GRID2: variants seen among roughly 807,000 people sequenced by gnomAD.
The protein encoded by GRID2 is glutamate receptor ionotropic, delta-2.
In GRID2, 33 loss-of-function variants were observed where a neutral mutation model predicts 114.8. The observed-to-expected ratio is 0.29, with a 90% CI of 0.22 to 0.38. GRID2 has a LOEUF of 0.38. GRID2 is among the 10% of genes least tolerant of loss of function. The probability of loss-of-function intolerance (pLI) is 1.00; values close to 1 mark genes in which losing one functional copy is unlikely to be tolerated. For synonymous variants in GRID2, 505 were observed against 449.9 expected, an observed-to-expected ratio of 1.12 and a Z score of -1.55; for missense variants, 1,184 against 1,257.7, an observed-to-expected ratio of 0.94 and a Z score of 0.89.
intron 2 of GRID2, among the ~76,000 whole-genome samples, chr4:92,879,830 C>T (rs1469616288): frequency 6.6e-6 from 1 of 152,180 alleles, no homozygotes; most frequent in Non-Finnish European, 1.5e-5. Flanking sequence ...AGTGGTGAAA[C>T]TCCTCATTAC....
At chr4:93,459,308 AG>A in intron 11 of GRID2, among the ~76,000 whole-genome samples, 2 of 151,692 alleles carry the variant, frequency 1.3e-5, no homozygotes, top group South Asian at 4.2e-4. Context: ...TTTATAAAAT[AG>A]GACATCTAAG....
At chr4:92,725,352 G>A (rs1050557865) in intron 2 of GRID2, among the ~76,000 whole-genome samples, 1 of 152,104 alleles carries the variant, frequency 6.6e-6, no homozygotes, top group African/African-American at 2.4e-5. Context: ...ATAAATTGGA[G>A]AGTCTAACAT....
At chr4:92,580,016 T>G (rs1470764423) in intron 1 of GRID2, among the ~76,000 whole-genome samples, 1 of 147,940 alleles carries the variant, frequency 6.8e-6, no homozygotes, top group Non-Finnish European at 1.5e-5. Context: ...ATATATAGTA[T>G]AATGGACTCA....
chr4:93,802,192 G>A (rs980271444), intron 1 of GRID2, among the ~76,000 whole-genome samples: 5 of 152,204 alleles, frequency 3.3e-5, no homozygotes, highest in Admixed American at 3.3e-4. Context: ...AAGTAGGCTT[G>A]AACATACAAA....
chr4:92,399,640 T>G (rs1210176954), intron 1 of GRID2, among the ~76,000 whole-genome samples: 1 of 97,484 alleles, frequency 1.0e-5, no homozygotes, highest in African/African-American at 4.7e-5. Context: ...AAAGCAGCTC[T>G]CTCTCTCTCT....
At chr4:93,734,112 A>G (rs909512778) in intron 14 of GRID2, among the ~76,000 whole-genome samples, 1 of 152,040 alleles carries the variant, frequency 6.6e-6, no homozygotes, top group Non-Finnish European at 1.5e-5. Flanking sequence ...TTAATGTCAA[A>G]GCATTTATTT....
chr4:92,541,135 G>A (rs960674701), intron 1 of GRID2, among the ~76,000 whole-genome samples: 2 of 152,004 alleles, frequency 1.3e-5, no homozygotes, highest in African/African-American at 2.4e-5. Flanking sequence ...ACACACTGGG[G>A]CCTGTTGTAG....
At chr4:93,145,245 A>G (rs948654620) in intron 4 of GRID2, among the ~76,000 whole-genome samples, 1 of 152,108 alleles carries the variant, frequency 6.6e-6, no homozygotes, top group African/African-American at 2.4e-5. Context: ...ACTACAATGA[A>G]AACTCTGTTA....
At chr4:93,164,054 C>T (rs1738014639) in intron 4 of GRID2, among the ~76,000 whole-genome samples, 1 of 151,864 alleles carries the variant, frequency 6.6e-6, no homozygotes, top group Admixed American at 6.6e-5. Flanking sequence ...AAGTTCATCA[C>T]ACGTGAACTT....
In GRID2 at chr4:93,135,434, G is replaced by A. The variant is rs73837543; in HGVS notation, c.735+24481G>A. Among the ~76,000 whole-genome samples the A allele has an allele frequency of 1.1e-3, 166 of 152,260 alleles. 1 individual carries two copies. The highest frequency in any genetic ancestry group is 3.8e-3 in the African/African-American group (156 of 41,562). ...TTAAGAAATGATTGAGAAAGCTTCC[G>A]TGTGTGCCATTTGATAGTTATACAA... On this transcript the variant is annotated intron_variant, in intron 4 of 15. Transcript: ENST00000282020.
Position 92,682,421 on chromosome 4 carries a change from G to A in GRID2, c.244+92135G>A, listed in dbSNP as rs866456790. Among the ~76,000 whole-genome samples, 5 of 152,254 alleles carry A rather than the reference G, an allele frequency of 3.3e-5. No homozygotes were observed. The South Asian group carries it at 8.3e-4, about 25-fold the overall frequency. On this transcript the variant is annotated intron_variant, in intron 2 of 15. Coordinates refer to ENST00000282020, the MANE Select transcript of GRID2 (RefSeq NM_001510.4). ...GGGAATTTGGTAAGCCCAGAGATCT[G>A]TGTTTTTAAAAAGCCTTTGATGCGA...
At chr4:92,571,382 G>A (rs150918259) in intron 1 of GRID2, among the ~76,000 whole-genome samples, 9 of 152,200 alleles carry the variant, frequency 5.9e-5, no homozygotes, top group East Asian at 1.9e-4. Flanking sequence ...GATTCATAGA[G>A]CAAGTCTTTA....
chr4:93,204,671 A>G (rs540964135), intron 4 of GRID2, among the ~76,000 whole-genome samples: 27 of 152,288 alleles, frequency 1.8e-4, no homozygotes, highest in African/African-American at 6.3e-4. Flanking sequence ...TTTAAGATGA[A>G]GAGCCATGGG....
At chr4:93,248,807 T>G (rs1280539960) in intron 8 of GRID2, among the ~76,000 whole-genome samples, 4 of 152,188 alleles carry the variant, frequency 2.6e-5, no homozygotes, top group African/African-American at 9.6e-5. Context: ...ATTGTAATAA[T>G]GGCTTTAGGT....
chr4:92,876,373 A>T (rs1179832987), intron 2 of GRID2, among the ~76,000 whole-genome samples: 4 of 151,622 alleles, frequency 2.6e-5, no homozygotes, highest in Admixed American at 2.6e-4. Context: ...ATCTCGGCTC[A>T]CTGCAAGCTC....
intron 1 of GRID2, among the ~76,000 whole-genome samples, chr4:92,486,076 G>T (rs1260564160): frequency 6.6e-6 from 1 of 151,240 alleles, no homozygotes; most frequent in South Asian, 2.1e-4. Context: ...TTGTAAACTT[G>T]AATCTCTAAA....
intron 13 of GRID2, among the ~76,000 whole-genome samples, chr4:93,535,807 A>G (rs1732004738): frequency 6.6e-6 from 1 of 151,964 alleles, no homozygotes; most frequent in Non-Finnish European, 1.5e-5. Flanking sequence ...ACCCTTCATC[A>G]GATGTATGGT....
Position 92,769,684 on chromosome 4 carries a change from C to T in GRID2, c.244+179398C>T, listed in dbSNP as rs138163321. Reference sequence around the variant, plus strand: ...CAGGCTCAACACCACATGGAGGCTGCCAAGGCTTGGGGCTTGCACCCTCTA... The same window carrying T: ...CAGGCTCAACACCACATGGAGGCTGTCAAGGCTTGGGGCTTGCACCCTCTA... On this transcript the variant is annotated intron_variant, in intron 2 of 15. Coordinates refer to ENST00000282020, the MANE Select transcript of GRID2 (RefSeq NM_001510.4). 2.4e-3 allele frequency among the ~76,000 whole-genome samples: 368 copies of T among 152,252 alleles called. 2 individuals carry two copies. Among genetic ancestry groups the T allele is most frequent in the African/African-American group, 7.4e-3 (307 of 41,554 alleles).
chr4:92,499,429 G>A (rs1333613125), intron 1 of GRID2, among the ~76,000 whole-genome samples: 1 of 152,016 alleles, frequency 6.6e-6, no homozygotes, highest in Non-Finnish European at 1.5e-5. Context: ...TTGTTCCTAA[G>A]ATTTATTCAA....
Sources: gnomAD v4.1 joint callset for allele counts (sites outside exome capture counted in the v4.1 genomes callset) on GRCh38, gnomAD v4.1.1 for gene constraint, MANE v1.5 for transcripts, NCBI Gene and HGNC (gene_info 2026-07-23, HGNC 2026-07-21) for gene names.